Variants in AGPS observed in about 807,000 individuals in gnomAD.
AGPS encodes alkyldihydroxyacetonephosphate synthase, peroxisomal.
Under a neutral mutation model 90.7 loss-of-function variants are expected in AGPS, and 26 were observed. The observed-to-expected ratio is 0.29, with a 90% CI of 0.21 to 0.40. AGPS has a LOEUF of 0.40. Ranked by LOEUF, AGPS falls within the 10% of genes least tolerant of loss-of-function variation. AGPS has a pLI of 1.00. For missense variants in AGPS, 540 were observed against 816.1 expected (o/e 0.66, Z 4.12); for synonymous variants, 294 against 285.3 (o/e 1.03, Z -0.31).
intron 10 of AGPS, among the ~76,000 whole-genome samples, chr2:177,473,167 G>C (rs1315516823): frequency 6.6e-6 from 1 of 152,178 alleles, no homozygotes; most frequent in Non-Finnish European, 1.5e-5. Context: ...GAGGTAATTT[G>C]AAAGTTGCAG....
chr2:177,529,255 C>G (rs918281607), intron 19 of AGPS, among the ~76,000 whole-genome samples: 1 of 151,978 alleles, frequency 6.6e-6, no homozygotes, highest in Admixed American at 6.6e-5. Context: ...GTGCTTGAGC[C>G]CAGGAGTTTG....
At chr2:177,513,774 T>C (rs1688948453) in intron 16 of AGPS, 45 bp from the exon 17 acceptor site, 1 of 1,414,456 alleles carries the variant, frequency 7.1e-7, no homozygotes, top group African/African-American at 1.4e-5. Flanking sequence ...ACTTGTGTAG[T>C]TCTCACTTGA....
Position 177,523,801 on chromosome 2 carries a change from T to C in AGPS, c.1851T>C (p.His617=), listed in dbSNP as rs1377196070. The change falls in exon 19 of 20, where the codon CAT becomes CAC. Residue 617 remains histidine (H), a synonymous_variant. Coordinates refer to ENST00000264167, the MANE Select transcript of AGPS (RefSeq NM_003659.4). ...ATGGAGGGAGCCTGTCACATCACCATGGAGGTATTCTTTTTTGGGAGTAGA... is the reference window on the plus strand; with the variant it reads ...ATGGAGGGAGCCTGTCACATCACCACGGAGGTATTCTTTTTTGGGAGTAGA... ...LANGGSLSHH[H]GVGKLRKQWL... is the part of the protein sequence containing the mutation. 7 of 1,612,962 alleles carry C rather than the reference T, an allele frequency of 4.3e-6. No homozygotes were observed. In the South Asian group the frequency reaches 5.5e-5, roughly 13 times the overall value.
intron 7 of AGPS, among the ~76,000 whole-genome samples, chr2:177,444,440 A>G (rs1250397432): frequency 1.3e-5 from 2 of 149,360 alleles, no homozygotes; most frequent in Admixed American, 1.3e-4. Context: ...AAAAAAAAAA[A>G]GAAAGAAAGA....
At position 177,543,047 on chromosome 2, in the gene AGPS, G is replaced by A. The variant is rs1248647274; in HGVS notation, c.*4852G>A. On this transcript the variant is annotated 3_prime_UTR_variant, in exon 20 of 20. Transcript: ENST00000264167. ...TAGTATATTTAACTAATTGTATGGT[G>A]GACCTGTACTCTGATACACATCGAA... 1 of 152,190 alleles carries A rather than the reference G, an allele frequency of 6.6e-6. No homozygotes were observed. The highest frequency in any genetic ancestry group is 2.4e-5 in the African/African-American group (1 of 41,450). 9.4% of individuals were successfully genotyped at this position (152,190 alleles called of 1,614,324 possible).
intron 9 of AGPS, among the ~76,000 whole-genome samples, chr2:177,464,089 G>A (rs1040636966): frequency 6.6e-6 from 1 of 151,958 alleles, no homozygotes; most frequent in Non-Finnish European, 1.5e-5. Flanking sequence ...TTACAGGCAT[G>A]CACCACCATG....
At chr2:177,494,298 C>T (rs1436684001) in intron 12 of AGPS, among the ~76,000 whole-genome samples, 1 of 152,132 alleles carries the variant, frequency 6.6e-6, no homozygotes, top group Admixed American at 6.5e-5. Context: ...AAATTACATT[C>T]TTCTAAGTTA....
At chr2:177,412,570 T>C (rs1236179736) in intron 1 of AGPS, among the ~76,000 whole-genome samples, 1 of 152,164 alleles carries the variant, frequency 6.6e-6, no homozygotes, top group East Asian at 1.9e-4. Flanking sequence ...TATTTTCCTC[T>C]GATTCTAAGG....
At chr2:177,489,631 A>G (rs1422495276) in intron 11 of AGPS, among the ~76,000 whole-genome samples, 2 of 152,168 alleles carry the variant, frequency 1.3e-5, no homozygotes, top group East Asian at 3.8e-4. Flanking sequence ...CAAAAAGTAT[A>G]CTGATATTTC....
chr2:177,438,307 GTTAC>G, intron 5 of AGPS, among the ~76,000 whole-genome samples: 1 of 152,046 alleles, frequency 6.6e-6, no homozygotes. Context: ...TGTAGTCCCC[GTTAC>G]TCAGAATGAT....
intron 1 of AGPS, 22 bp from the exon 2 acceptor site, chr2:177,420,247 A>G (rs1685907674): frequency 6.9e-7 from 1 of 1,448,730 alleles, no homozygotes; most frequent in Admixed American, 1.7e-5. Flanking sequence ...GGTCTCACTT[A>G]TATATATTTT....
At chr2:177,481,966 A>G (rs1369717418) in intron 10 of AGPS, 93 bp from the exon 11 acceptor site, 3 of 1,207,256 alleles carry the variant, frequency 2.5e-6, no homozygotes, top group African/African-American at 1.5e-5. Flanking sequence ...TTAAATGTGC[A>G]TAATAAATTG....
chr2:177,410,838 G>T (rs1002572120), intron 1 of AGPS, among the ~76,000 whole-genome samples: 4 of 152,182 alleles, frequency 2.6e-5, no homozygotes, highest in East Asian at 3.8e-4. Flanking sequence ...GGATCATCTG[G>T]TTAGTGGCTT....
chr2:177,429,440 T>C (rs1435231606), intron 2 of AGPS, among the ~76,000 whole-genome samples: 1 of 152,222 alleles, frequency 6.6e-6, no homozygotes, highest in East Asian at 1.9e-4. Context: ...TTCTCATCTT[T>C]GTGGGATTAT....
intron 7 of AGPS, among the ~76,000 whole-genome samples, chr2:177,442,883 A>G (rs540309717): frequency 6.6e-6 from 1 of 151,174 alleles, no homozygotes; most frequent in South Asian, 2.1e-4. Flanking sequence ...AATGTATTTC[A>G]TCATTACATT....
chr2:177,444,493 T>C (rs750795430), intron 7 of AGPS, among the ~76,000 whole-genome samples: 4 of 151,986 alleles, frequency 2.6e-5, no homozygotes, highest in South Asian at 2.1e-4. Context: ...ATGAGTTTTA[T>C]GTAACATAAA....
At chr2:177,440,786 T>A (rs1686580361) in intron 5 of AGPS, among the ~76,000 whole-genome samples, 179 bp from the exon 6 acceptor site, 1 of 152,166 alleles carries the variant, frequency 6.6e-6, no homozygotes, top group Non-Finnish European at 1.5e-5. Flanking sequence ...TAAGTCAAAT[T>A]ATTTCAAAAT....
chr2:177,509,258 G>C (rs886781255), intron 16 of AGPS, among the ~76,000 whole-genome samples: 2 of 151,938 alleles, frequency 1.3e-5, no homozygotes, highest in Admixed American at 6.6e-5. Context: ...TATTTTTTAA[G>C]TCAGATTTCT....
At chr2:177,463,984 C>G (rs749823006) in intron 9 of AGPS, among the ~76,000 whole-genome samples, 1 of 151,918 alleles carries the variant, frequency 6.6e-6, no homozygotes, top group Non-Finnish European at 1.5e-5. Context: ...TCTTGTTGCC[C>G]AGGCTGGAGT....
Sources: gnomAD v4.1 joint callset for allele counts (sites outside exome capture counted in the v4.1 genomes callset) on GRCh38, gnomAD v4.1.1 for gene constraint, MANE v1.5 for transcripts, NCBI Gene and HGNC (gene_info 2026-07-23, HGNC 2026-07-21) for gene names.